Variants in OR14J1 observed in about 807,000 individuals in gnomAD.
OR14J1 encodes the protein olfactory receptor family 14 subfamily J member 1.
For synonymous variants in OR14J1, 140 were observed against 146.7 expected, an observed-to-expected ratio of 0.95 and a Z score of 0.33; for missense variants, 378 against 393.4, an observed-to-expected ratio of 0.96 and a Z score of 0.33.
At chr6:29,305,241 T>C (rs977866775) in intron 1 of OR14J1, among the ~76,000 whole-genome samples, 1 of 152,174 alleles carries the variant, frequency 6.6e-6, no homozygotes, top group African/African-American at 2.4e-5. Flanking sequence ...CAAAATAAAT[T>C]ACAGCAAAAT....
rs548753328 is a variant in OR14J1, at chr6:29,310,911, T to G, written c.*3256T>G. The G allele has an allele frequency of 6.6e-6, 1 of 152,224 alleles. No homozygotes were observed. Among genetic ancestry groups the G allele is most frequent in the South Asian group, 2.1e-4 (1 of 4,822 alleles). 9.4% of individuals were successfully genotyped at this position (152,224 alleles called of 1,614,324 possible). ...TCACTCATGATTTGGCTCTCTGTTT[T>G]TTTTATTATTGGTGTATAGGAATGC... On this transcript the variant is annotated 3_prime_UTR_variant, in exon 2 of 2. Transcript: ENST00000641895.
At chr6:29,306,501 G>T in intron 1 of OR14J1, 161 bp from the exon 2 acceptor site, 1 of 596,804 alleles carries the variant, frequency 1.7e-6, no homozygotes, top group East Asian at 2.7e-5. Context: ...TTCTATTTCT[G>T]AATAATTGCT....
In OR14J1 at chr6:29,306,772, T is replaced by C; in HGVS notation, c.83T>C (p.Val28Ala). The change falls in exon 2 of 2, where the codon GTA (valine) becomes GCA (alanine). Residue 28 changes from valine to alanine, a missense_variant. Val to Ala is a moderately conservative substitution (Grantham distance 64, BLOSUM62 0). Coordinates refer to ENST00000641895, the MANE Select transcript of OR14J1 (RefSeq NM_030946.2). ...AAGCTTCAGATTTTACATGCATTGG[T>C]ATTTCTGGTGACATACCTGCTGGCC... ...ERKLQILHAL[V>A]FLVTYLLALT... 1 of 1,613,088 alleles carries C rather than the reference T, an allele frequency of 6.2e-7. No homozygotes were observed. The highest frequency in any genetic ancestry group is 1.7e-5 in the Admixed American group (1 of 60,028).
In OR14J1 at chr6:29,312,959, A is replaced by C. The variant is rs10456370; in HGVS notation, c.*5304A>C. ...GTTCAACAAGGTTGAACATCTTTTC[A>C]TGGACTTATTAGTTATTTGTGTGTC... On this transcript the variant is annotated 3_prime_UTR_variant, in exon 2 of 2. Coordinates refer to ENST00000641895, the MANE Select transcript of OR14J1 (RefSeq NM_030946.2). 53,720 of 152,000 alleles carry C rather than the reference A, an allele frequency of 0.35. 11,654 individuals carry two copies. The highest frequency in any genetic ancestry group is 0.48 in the Non-Finnish European group (32,649 of 67,918). The allele number at this position is 152,000 out of a possible 1,614,324, so 9.4% of individuals were successfully genotyped here.
In OR14J1 at chr6:29,310,246, G is replaced by A. The variant is rs937752122; in HGVS notation, c.*2591G>A. 1 of 152,106 alleles carries A rather than the reference G, an allele frequency of 6.6e-6. No homozygotes were observed. The highest frequency in any genetic ancestry group is 1.5e-5 in the Non-Finnish European group (1 of 68,028). 9.4% of individuals were successfully genotyped at this position (152,106 alleles called of 1,614,324 possible). ...TCTTCTTGGGTTTTTATGGTTTTAG[G>A]TCTTACGTTTAAGTCTTTAATCCAT... On this transcript the variant is annotated 3_prime_UTR_variant, in exon 2 of 2. Transcript: ENST00000641895.
At chr6:29,304,139 T>G (rs1361226181) in intron 1 of OR14J1, among the ~76,000 whole-genome samples, 1 of 152,158 alleles carries the variant, frequency 6.6e-6, no homozygotes, top group African/African-American at 2.4e-5. Flanking sequence ...TTGAAGTTAT[T>G]GGCAATGCTA....
Position 29,307,333 on chromosome 6 carries a change from C to A in OR14J1, c.644C>A (p.Ser215Tyr). 6.2e-7 allele frequency: 1 copy of A among 1,613,084 alleles called. No homozygotes were observed. Among genetic ancestry groups the A allele is most frequent in the Non-Finnish European group, 8.5e-7 (1 of 1,180,036 alleles). Residue 215 changes from serine (S) to tyrosine (Y), a missense_variant, in exon 2 of 2, where the codon TCC becomes TAC. Coordinates refer to ENST00000641895, the MANE Select transcript of OR14J1 (RefSeq NM_030946.2). Reference sequence around the variant, plus strand: ...ATCTGTTTGATCTCCATTGTGCTCTCCTACATTCGCATCTTCTCTACAGTG... The same window carrying A: ...ATCTGTTTGATCTCCATTGTGCTCTACTACATTCGCATCTTCTCTACAGTG... The part of the protein sequence containing the change: ...AFICLISIVL[S>Y]YIRIFSTVLR...
At chr6:29,302,789 C>T (rs1774805133) in intron 1 of OR14J1, among the ~76,000 whole-genome samples, 1 of 152,160 alleles carries the variant, frequency 6.6e-6, no homozygotes, top group Non-Finnish European at 1.5e-5. Flanking sequence ...CACCATTTGT[C>T]CTGGCAACAG....
intron 1 of OR14J1, among the ~76,000 whole-genome samples, chr6:29,302,260 C>A (rs1039062731): frequency 7.0e-6 from 1 of 143,000 alleles, no homozygotes; most frequent in African/African-American, 2.6e-5. Context: ...CTCACTGTAA[C>A]CTCCGCCTCC....
intron 1 of OR14J1, among the ~76,000 whole-genome samples, chr6:29,302,607 C>T (rs1774794092): frequency 6.6e-6 from 1 of 152,112 alleles, no homozygotes; most frequent in Non-Finnish European, 1.5e-5. Flanking sequence ...CATTATTAGA[C>T]ATGGAGATTG....
In OR14J1 at chr6:29,312,450, G is replaced by C. The variant is rs368946794; in HGVS notation, c.*4795G>C. 1.2e-3 allele frequency: 205 copies of C among 172,430 alleles called. 1 individual carries two copies. Among genetic ancestry groups the C allele is most frequent in the African/African-American group, 4.6e-3 (194 of 41,882 alleles). 10.7% of individuals were successfully genotyped at this position (172,430 alleles called of 1,614,324 possible). A position where few individuals can be genotyped will look rare whatever the true frequency, so the allele number is the denominator to read the frequency against. The stretch of plus-strand genomic sequence containing the variant: ...GGAGTGCACTGTTCCTCATGGCTCA[G>C]TCCCTCATGGCTTCCCTTGGCTAGG... On this transcript the variant is annotated 3_prime_UTR_variant, in exon 2 of 2. Coordinates refer to ENST00000641895, the MANE Select transcript of OR14J1 (RefSeq NM_030946.2).
At position 29,310,339 on chromosome 6, in the gene OR14J1, A is replaced by C. The variant is rs1775418641; in HGVS notation, c.*2684A>C. On this transcript the variant is annotated 3_prime_UTR_variant, in exon 2 of 2. Coordinates refer to ENST00000641895, the MANE Select transcript of OR14J1 (RefSeq NM_030946.2). Reference sequence around the variant, plus strand: ...TTCAGTTTTCTGCATATGGCTAGCCAGTTTTCTCAACAGCATTTATTAAAT... The same window carrying C: ...TTCAGTTTTCTGCATATGGCTAGCCCGTTTTCTCAACAGCATTTATTAAAT... 1 of 152,212 alleles carries C rather than the reference A, an allele frequency of 6.6e-6. No homozygotes were observed. The highest frequency in any genetic ancestry group is 1.5e-5 in the Non-Finnish European group (1 of 68,028). 9.4% of individuals were successfully genotyped at this position (152,212 alleles called of 1,614,324 possible).
chr6:29,307,501 T>A lies in OR14J1; in HGVS notation c.812T>A (p.Val271Glu). 1 of 1,613,024 alleles carries A rather than the reference T, an allele frequency of 6.2e-7. No individual in the cohort carries two copies. The highest frequency in any genetic ancestry group is 8.5e-7 in the Non-Finnish European group (1 of 1,180,000). ...PSDSSSTVDL[V>E]FSVFYTVIPP... Reference sequence around the variant, plus strand: ...GATTCCTCATCGACTGTGGACCTTGTATTCTCCGTATTCTATACTGTGATA... The same window carrying A: ...GATTCCTCATCGACTGTGGACCTTGAATTCTCCGTATTCTATACTGTGATA... The change falls in exon 2 of 2, where the codon GTA (valine) becomes GAA (glutamate). Residue 271 changes from valine (V) to glutamate (E), a missense_variant. By Grantham distance (121) the Val-to-Glu change is moderately radical. Transcript: ENST00000641895.
Position 29,312,216 on chromosome 6 carries a change from A to G in OR14J1, c.*4561A>G, listed in dbSNP as rs1029168401. The G allele has an allele frequency of 2.6e-5, 4 of 152,034 alleles. No homozygotes were observed. Among genetic ancestry groups the G allele is most frequent in the African/African-American group, 9.7e-5 (4 of 41,428 alleles). 9.4% of individuals were successfully genotyped at this position (152,034 alleles called of 1,614,324 possible). A position where few individuals can be genotyped will look rare whatever the true frequency, so the allele number is the denominator to read the frequency against. ...TGCGATATTAGAGTGTCGATTTTAG[A>G]TCTTTCCTGCTTTCTCCTGTGGGCA... On this transcript the variant is annotated 3_prime_UTR_variant, in exon 2 of 2. Coordinates refer to ENST00000641895, the MANE Select transcript of OR14J1 (RefSeq NM_030946.2).
rs1465595050 is a variant in OR14J1, at chr6:29,310,084, T to C, written c.*2429T>C. ...GGTTGCCTATTCACTCTGCTGATGA[T>C]TTCTTTTCCTGTGCAGAAGCTCTTT... On this transcript the variant is annotated 3_prime_UTR_variant, in exon 2 of 2. Coordinates refer to ENST00000641895, the MANE Select transcript of OR14J1 (RefSeq NM_030946.2). The C allele has an allele frequency of 6.6e-6, 1 of 152,240 alleles. No homozygotes were observed. The highest frequency in any genetic ancestry group is 1.5e-5 in the Non-Finnish European group (1 of 68,046). 9.4% of individuals were successfully genotyped at this position (152,240 alleles called of 1,614,324 possible).
At chr6:29,302,313 G>A (rs531695975) in intron 1 of OR14J1, among the ~76,000 whole-genome samples, 1 of 151,420 alleles carries the variant, frequency 6.6e-6, no homozygotes, top group Admixed American at 6.6e-5. Flanking sequence ...CTAGTAGCTG[G>A]GATTACAGGT....
intron 1 of OR14J1, among the ~76,000 whole-genome samples, chr6:29,303,098 G>A (rs1774821549): frequency 6.6e-6 from 1 of 152,158 alleles, no homozygotes. Flanking sequence ...TGCAACCCAG[G>A]GGACCTGCAA....
At position 29,307,530 on chromosome 6, in the gene OR14J1, C is replaced by T; in HGVS notation, c.841C>T (p.Pro281Ser). ...VFSVFYTVIP[P>S]TLNPVIYSLR... ...CTCCGTATTCTATACTGTGATACCT[C>T]CAACACTCAATCCAGTCATTTATAG... Residue 281 changes from proline (P) to serine (S), a missense_variant, in exon 2 of 2, where the codon CCA becomes TCA. Coordinates refer to ENST00000641895, the MANE Select transcript of OR14J1 (RefSeq NM_030946.2). The T allele has an allele frequency of 6.2e-7, 1 of 1,612,934 alleles. No individual in the cohort carries two copies. The highest frequency in any genetic ancestry group is 8.5e-7 in the Non-Finnish European group (1 of 1,179,932).
chr6:29,302,410 C>A (rs1233534633), intron 1 of OR14J1, among the ~76,000 whole-genome samples: 4 of 151,844 alleles, frequency 2.6e-5, no homozygotes, highest in Non-Finnish European at 4.4e-5. Context: ...AACTCCTGAC[C>A]TCAGGTGATC....
Sources: allele counts gnomAD v4.1 joint callset (sites outside exome capture counted in the v4.1 genomes callset), GRCh38; gene constraint gnomAD v4.1.1; transcripts MANE v1.5; gene names NCBI Gene and HGNC (gene_info 2026-07-23, HGNC 2026-07-21).